DEPDC5: variants seen among roughly 807,000 people sequenced by gnomAD.
DEPDC5 encodes GATOR1 complex protein DEPDC5.
In DEPDC5, 73 loss-of-function variants were observed where a neutral mutation model predicts 217.3. That is an observed-to-expected ratio of 0.34 (90% CI 0.28 to 0.41). DEPDC5 has a LOEUF of 0.41. Ranked by LOEUF, DEPDC5 falls within the 10% of genes least tolerant of loss-of-function variation. DEPDC5 has a pLI of 1.00. For missense variants in DEPDC5, 1,675 were observed against 2,070.1 expected (o/e 0.81, Z 3.70); for synonymous variants, 733 against 756.7 (o/e 0.97, Z 0.51).
At chr22:31,833,477 GTTTTA>G (rs2090755975) in intron 24 of DEPDC5, among the ~76,000 whole-genome samples, 1 of 152,056 alleles carries the variant, frequency 6.6e-6, no homozygotes, top group Non-Finnish European at 1.5e-5. Context: ...AGGTCATTTT[GTTTTA>G]TTTTATATAT....
At chr22:31,803,644 G>A (rs993498571) in intron 15 of DEPDC5, among the ~76,000 whole-genome samples, 2 of 151,976 alleles carry the variant, frequency 1.3e-5, no homozygotes, top group African/African-American at 4.8e-5. Flanking sequence ...GAGTTGGGAC[G>A]CTGAGGCAGT....
chr22:31,821,962 A>T (rs1021632866), intron 23 of DEPDC5, among the ~76,000 whole-genome samples: 5 of 152,208 alleles, frequency 3.3e-5, no homozygotes, highest in Non-Finnish European at 5.9e-5. Flanking sequence ...TTGGATTTGG[A>T]ATGCTGAGAC....
intron 12 of DEPDC5, 89 bp from the exon 13 acceptor site, chr22:31,797,511 A>G (rs766704331): frequency 7.2e-5 from 75 of 1,043,784 alleles, no homozygotes; most frequent in Non-Finnish European, 1.0e-4. Flanking sequence ...ACACATGGGT[A>G]TTACAATTTG....
chr22:31,799,187 G>A (rs2086589450), intron 14 of DEPDC5, among the ~76,000 whole-genome samples: 1 of 151,288 alleles, frequency 6.6e-6, no homozygotes, highest in Non-Finnish European at 1.5e-5. Flanking sequence ...GGGATTACAG[G>A]TGCGCATCAC....
chr22:31,793,397 G>A (rs2085901570), intron 12 of DEPDC5, among the ~76,000 whole-genome samples: 1 of 151,784 alleles, frequency 6.6e-6, no homozygotes, highest in Non-Finnish European at 1.5e-5. Context: ...TAATGAGCCC[G>A]TATACCCAAT....
At chr22:31,832,878 A>G (rs976716095) in intron 24 of DEPDC5, among the ~76,000 whole-genome samples, 1 of 152,126 alleles carries the variant, frequency 6.6e-6, no homozygotes, top group Admixed American at 6.5e-5. Context: ...TGTTTTTTCA[A>G]AGCTTTCACA....
In DEPDC5 at chr22:31,819,143, A is replaced by G; in HGVS notation, c.1788A>G (p.Ala596=). 4 of 1,614,176 alleles carry G rather than the reference A, an allele frequency of 2.5e-6. No individual in the cohort carries two copies. Among genetic ancestry groups the G allele is most frequent in the South Asian group, 2.2e-5 (2 of 91,078 alleles). The change falls in exon 22 of 43, where the codon GCA becomes GCG. Residue 596 remains alanine (A), a synonymous_variant. Coordinates refer to ENST00000651528, the MANE Select transcript of DEPDC5 (RefSeq NM_001242896.3). The stretch of plus-strand genomic sequence containing the variant: ...CTGGTGGATACACGCCCCAGAGAGC[A>G]CTGATTAACCCCTTCGCTCCCTCTC... ...VRPGGYTPQR[A]LINPFAPSRM... is the part of the protein sequence containing the mutation.
At chr22:31,831,708 G>A (rs563771990) in intron 24 of DEPDC5, among the ~76,000 whole-genome samples, 23 of 152,156 alleles carry the variant, frequency 1.5e-4, no homozygotes, top group East Asian at 5.8e-4. Context: ...TGATCCCCCC[G>A]CCTCGGCCTC....
At chr22:31,877,825 G>A (rs1190500706) in intron 37 of DEPDC5, among the ~76,000 whole-genome samples, 1 of 150,886 alleles carries the variant, frequency 6.6e-6, no homozygotes, top group African/African-American at 2.4e-5. Flanking sequence ...TATAGCAAAA[G>A]GGGACCTTGC....
intron 41 of DEPDC5, among the ~76,000 whole-genome samples, chr22:31,904,564 G>A (rs995765001): frequency 6.6e-6 from 1 of 152,168 alleles, no homozygotes; most frequent in African/African-American, 2.4e-5. Context: ...CCAAAATGGT[G>A]AAACCCCGTC....
chr22:31,874,461 G>T, intron 36 of DEPDC5, 56 bp downstream of exon 36: 2 of 1,544,650 alleles, frequency 1.3e-6, no homozygotes, highest in South Asian at 2.4e-5. Context: ...AAAAATCAGG[G>T]CCTGCCTTAG....
Position 31,845,214 on chromosome 22 carries a change from C to T in DEPDC5, c.2998C>T (p.His1000Tyr). ...VEGLNRIRRR[H>Y]RSDRMMRKGT... ...GGGCTTGAATCGCATTCGCAGGCGG[C>T]ATCGCTCGGATCGCATGATGCGGGT... Residue 1000 changes from histidine to tyrosine, a missense_variant, in exon 30 of 43, where the codon CAT becomes TAT. Transcript: ENST00000651528. 6.2e-7 allele frequency: 1 copy of T among 1,614,082 alleles called. No homozygotes were observed. Among genetic ancestry groups the T allele is most frequent in the East Asian group, 2.2e-5 (1 of 44,866 alleles).
At chr22:31,808,457 T>TA (rs1357618422) in intron 18 of DEPDC5, among the ~76,000 whole-genome samples, 3 of 150,598 alleles carry the variant, frequency 2.0e-5, no homozygotes, top group Non-Finnish European at 3.0e-5. Context: ...TTTTTTGAGA[T>TA]AGAGTTTCAC....
intron 10 of DEPDC5, among the ~76,000 whole-genome samples, chr22:31,789,255 G>A (rs925580399): frequency 1.3e-5 from 2 of 152,220 alleles, no homozygotes; most frequent in Non-Finnish European, 2.9e-5. Flanking sequence ...GTCAGCTAAA[G>A]CATAGATAAA....
intron 38 of DEPDC5, among the ~76,000 whole-genome samples, chr22:31,890,686 G>A (rs2093421784): frequency 6.7e-6 from 1 of 148,750 alleles, no homozygotes; most frequent in South Asian, 2.1e-4. Flanking sequence ...TCCAGCCTGG[G>A]CAACAAAGTG....
rs915498109 is a variant in DEPDC5 at position 31,775,455 on chromosome 22, G to A, written c.414-2644G>A. Among the ~76,000 whole-genome samples the A allele has an allele frequency of 1.0e-3, 154 of 152,232 alleles. 1 individual carries two copies. Among genetic ancestry groups the A allele is most frequent in the Non-Finnish European group, 2.9e-4 (20 of 68,012 alleles). On this transcript the variant is annotated intron_variant, in intron 7 of 42. Transcript: ENST00000651528. ...GGCCTCCCAAAGTGTTGGGATTACA[G>A]ATGTGAGCCACTGCACCTGGCCTTT...
At chr22:31,818,681 G>A (rs912655094) in intron 21 of DEPDC5, among the ~76,000 whole-genome samples, 3 of 152,064 alleles carry the variant, frequency 2.0e-5, no homozygotes, top group African/African-American at 7.2e-5. Flanking sequence ...GAATATACTC[G>A]TTCCTTTCCC....
intron 7 of DEPDC5, among the ~76,000 whole-genome samples, chr22:31,774,857 C>T (rs919735362): frequency 6.6e-6 from 1 of 151,710 alleles, no homozygotes; most frequent in Non-Finnish European, 1.5e-5. Flanking sequence ...CTCTTGACCT[C>T]GTGATCCACC....
At chr22:31,784,664 TC>T in intron 9 of DEPDC5, 149 bp from the exon 10 acceptor site, 1 of 604,000 alleles carries the variant, frequency 1.7e-6, no homozygotes, top group East Asian at 3.0e-5. Context: ...TTCTTTTTGG[TC>T]CCCTTTCTTA....
Sources: allele counts gnomAD v4.1 joint callset (sites outside exome capture counted in the v4.1 genomes callset), GRCh38; gene constraint gnomAD v4.1.1; transcripts MANE v1.5; gene names NCBI Gene and HGNC (gene_info 2026-07-23, HGNC 2026-07-21).